The following ANKRD26 variants were observed in gnomAD, a reference collection of about 807,000 sequenced individuals.
ANKRD26 encodes ankyrin repeat domain-containing protein 26.
In ANKRD26, 141 loss-of-function variants were observed where a neutral mutation model predicts 208.7. The ratio of observed to expected loss-of-function variants is 0.68; its 90% CI spans 0.59 to 0.78. The LOEUF (loss-of-function observed/expected upper bound fraction) is 0.78, where lower values mean the gene tolerates loss of function less well. Among genes scored for constraint, ANKRD26 ranks in the 30% least tolerant of loss-of-function variants. The pLI is 0.00. For missense variants in ANKRD26, 1,889 were observed against 1,938.7 expected (o/e 0.97, Z 0.48); for synonymous variants, 636 against 660.4 (o/e 0.96, Z 0.57).
intron 10 of ANKRD26, among the ~76,000 whole-genome samples, chr10:27,066,764 A>G (rs2055263679): frequency 6.6e-6 from 1 of 152,166 alleles, no homozygotes; most frequent in Non-Finnish European, 1.5e-5. Flanking sequence ...TTTAAAATGA[A>G]TATAATATTT....
intron 33 of ANKRD26, among the ~76,000 whole-genome samples, chr10:27,006,177 A>G (rs2052872498): frequency 6.6e-6 from 1 of 152,216 alleles, no homozygotes; most frequent in Non-Finnish European, 1.5e-5. Context: ...TTTTTGATGG[A>G]GGCAATATGT....
the ANKRD26 span, among the ~76,000 whole-genome samples, chr10:26,966,302 T>C: frequency 6.6e-6 from 1 of 152,120 alleles, no homozygotes; most frequent in Admixed American, 6.5e-5. Context: ...TATGCAGCCA[T>C]AAAAAGGAAT....
At chr10:27,000,911 G>C (rs571104160), downstream of ANKRD26, among the ~76,000 whole-genome samples, 264 of 152,278 alleles carry the variant, frequency 1.7e-3, no homozygotes, top group African/African-American at 6.2e-3. Context: ...GGGAGGCTGA[G>C]GCAGGAGGAT....
intron 3 of ANKRD26, among the ~76,000 whole-genome samples, chr10:26,984,320 C>T (rs959795882): frequency 2.0e-5 from 3 of 152,088 alleles, no homozygotes; most frequent in Admixed American, 2.0e-4. Context: ...GCTTCTAGTC[C>T]CAAGTCAAAG....
chr10:26,964,858 T>C, the ANKRD26 span, among the ~76,000 whole-genome samples: 2 of 152,234 alleles, frequency 1.3e-5, no homozygotes, highest in Non-Finnish European at 2.9e-5. Context: ...ACCAGAGATC[T>C]CTAATATTAT....
chr10:27,085,093 T>C (rs11015511), intron 5 of ANKRD26, among the ~76,000 whole-genome samples: 35,113 of 151,434 alleles, frequency 0.23, 4,665 homozygotes, highest in East Asian at 0.55. Context: ...AAGAACACAC[T>C]TGTTTTTTTT....
rs770823530 is a variant in ANKRD26 at position 27,005,652 on chromosome 10, C to A, written c.5071G>T (p.Asp1691Tyr). 7 of 1,613,086 alleles carry A rather than the reference C, an allele frequency of 4.3e-6. No homozygotes were observed. In the South Asian group the frequency reaches 7.7e-5, roughly 18 times the overall value. The change falls in exon 34 of 34, where the codon GAT (aspartate) becomes TAT (tyrosine). Residue 1691 changes from aspartate (D) to tyrosine (Y), a missense_variant. Around this residue, in one of 3 missense-constraint regions of ANKRD26, gnomAD observed 613 missense variants for 648.2 expected, o/e 0.95. Transcript: ENST00000376087. ...TCTCTTGATGCTTTCCAAACTAGATCTTGATTTAGATTTGACTCATCAGTA... is the reference window on the plus strand; with the variant it reads ...TCTCTTGATGCTTTCCAAACTAGATATTGATTTAGATTTGACTCATCAGTA... The part of the protein sequence containing the change: ...GSTDESNLNQ[D>Y]LVWKASREYV...
chr10:26,949,964 A>T, the ANKRD26 span, among the ~76,000 whole-genome samples: 1 of 152,198 alleles, frequency 6.6e-6, no homozygotes, highest in East Asian at 1.9e-4. Flanking sequence ...TATGATTGAA[A>T]AAACCAGATT....
At chr10:27,068,378 AG>A (rs1458890193) in intron 9 of ANKRD26, among the ~76,000 whole-genome samples, 1 of 152,204 alleles carries the variant, frequency 6.6e-6, no homozygotes, top group Non-Finnish European at 1.5e-5. Context: ...CCCAGCCATG[AG>A]GAACTGAGAG....
At chr10:26,963,499 G>A in the ANKRD26 span, among the ~76,000 whole-genome samples, 2 of 152,166 alleles carry the variant, frequency 1.3e-5, no homozygotes, top group Admixed American at 1.3e-4. Context: ...AGCTGATGAT[G>A]CTACCATGCT....
the ANKRD26 span, among the ~76,000 whole-genome samples, chr10:26,953,699 T>A: frequency 6.6e-6 from 1 of 152,232 alleles, no homozygotes; most frequent in South Asian, 2.1e-4. Context: ...CAGTACTGAT[T>A]TTCCTGAGAT....
Position 27,061,171 on chromosome 10 carries a change from T to C in ANKRD26, c.1435A>G (p.Asn479Asp). Residue 479 changes from asparagine to aspartate, a missense_variant, in exon 13 of 34, where the codon AAT becomes GAT. Physicochemically the swap from Asn to Asp is conservative, Grantham distance 23. This residue lies in a region of ANKRD26 where 1,272 missense variants were observed against 1,273.8 expected (regional missense o/e 1.00). Coordinates refer to ENST00000376087, the MANE Select transcript of ANKRD26 (RefSeq NM_014915.3). Reference sequence around the variant, plus strand: ...ATGTGGGCTACTGGCATGCCTACATTTCTTGTATCCTCTAGTTTAGCCATC... The same window carrying C: ...ATGTGGGCTACTGGCATGCCTACATCTCTTGTATCCTCTAGTTTAGCCATC... ...FKMAKLEDTR[N>D]VGMPVAHMES... 6.2e-7 allele frequency: 1 copy of C among 1,612,532 alleles called. No individual in the cohort carries two copies. The highest frequency in any genetic ancestry group is 1.3e-5 in the African/African-American group (1 of 75,008).
chr10:27,089,702 G>GA (rs2056236207), intron 4 of ANKRD26, among the ~76,000 whole-genome samples: 1 of 152,232 alleles, frequency 6.6e-6, no homozygotes, highest in Non-Finnish European at 1.5e-5. Flanking sequence ...TGAGGTGGGA[G>GA]AATCTCCTTA....
At chr10:27,013,988 T>G (rs578106736) in intron 31 of ANKRD26, among the ~76,000 whole-genome samples, 1 of 152,162 alleles carries the variant, frequency 6.6e-6, no homozygotes, top group Non-Finnish European at 1.5e-5. Context: ...CTTTAAGTAG[T>G]AGAAAAACTA....
At chr10:26,966,707 C>G in the ANKRD26 span, among the ~76,000 whole-genome samples, 8 of 152,154 alleles carry the variant, frequency 5.3e-5, no homozygotes, top group Non-Finnish European at 8.8e-5. Flanking sequence ...AGGCGTAGTA[C>G]AGTGCAACAA....
the ANKRD26 span, among the ~76,000 whole-genome samples, chr10:26,964,353 A>G: frequency 6.6e-6 from 1 of 152,188 alleles, no homozygotes; most frequent in Non-Finnish European, 1.5e-5. Context: ...TAGAGGTTTC[A>G]GCAGGACAAC....
chr10:27,087,690 T>C (rs10829176), intron 4 of ANKRD26, among the ~76,000 whole-genome samples: 75,614 of 152,120 alleles, frequency 0.5, 21,596 homozygotes, highest in Non-Finnish European at 0.65. Context: ...ACAACGACTT[T>C]TGCTTCTCTA....
At chr10:27,042,121 C>A (rs1182280068) in intron 20 of ANKRD26, among the ~76,000 whole-genome samples, 1 of 151,752 alleles carries the variant, frequency 6.6e-6, no homozygotes, top group Admixed American at 6.6e-5. Flanking sequence ...CAATGGAACA[C>A]AACAGAGTCG....
chr10:27,059,694 T>C (rs546157521), intron 15 of ANKRD26, among the ~76,000 whole-genome samples: 40 of 149,564 alleles, frequency 2.7e-4, no homozygotes, highest in African/African-American at 5.4e-4. Context: ...GCGGATCACC[T>C]GAGATCAGGA....
Sources: allele counts gnomAD v4.1 joint callset (sites outside exome capture counted in the v4.1 genomes callset), GRCh38; gene constraint gnomAD v4.1.1; regional missense constraint gnomAD v4.1.1; transcripts MANE v1.5; gene names NCBI Gene and HGNC (gene_info 2026-07-23, HGNC 2026-07-21).